Variants in NTHL1 observed in about 807,000 individuals in gnomAD.
The protein encoded by NTHL1 is nth like DNA glycosylase 1.
Under a neutral mutation model 32.3 loss-of-function variants are expected in NTHL1, and 32 were observed. The ratio of observed to expected loss-of-function variants is 0.99; its 90% CI spans 0.75 to 1.33. NTHL1 has a LOEUF of 1.33. NTHL1 is among the 40% of genes most tolerant of loss of function. The probability of loss-of-function intolerance (pLI) is 0.00; values close to 1 mark genes in which losing one functional copy is unlikely to be tolerated. For missense variants in NTHL1, 501 were observed against 414.1 expected, an observed-to-expected ratio of 1.21 and a Z score of -1.82; for synonymous variants, 188 against 176.9, an observed-to-expected ratio of 1.06 and a Z score of -0.50.
At position 2,043,523 on chromosome 16, in the gene NTHL1, G is replaced by A; in HGVS notation, c.685+44C>T. On this transcript the variant is annotated intron_variant, in intron 4 of 5. Transcript: ENST00000651570. The surrounding 1 kb of genome is among the most constrained non-coding windows in gnomAD (Gnocchi z 4.4). ...GTCACAAGGATGTGGGGAATCCCAAGAGCAGCCAGTGGGCTGGAGCCAGCC... is the reference window on the plus strand; with the variant it reads ...GTCACAAGGATGTGGGGAATCCCAAAAGCAGCCAGTGGGCTGGAGCCAGCC... 6.3e-7 allele frequency: 1 copy of A among 1,598,272 alleles called. No individual in the cohort carries two copies. Among genetic ancestry groups the A allele is most frequent in the Non-Finnish European group, 8.5e-7 (1 of 1,179,224 alleles).
rs541989951 is a variant in NTHL1 at position 2,043,676 on chromosome 16, G to A, written c.576C>T (p.Tyr192=). 1.1e-4 allele frequency: 182 copies of A among 1,612,098 alleles called. No homozygotes were observed. Among genetic ancestry groups the A allele is most frequent in the South Asian group, 9.8e-4 (89 of 91,090 alleles). ...KQTSAILQQH[Y]GGDIPASVAE... ...CCACAGAGGCTGGGATGTCCCCACCGTAGTGCTGCTGCAGGATGGCGCTGG... is the reference window on the plus strand; with the variant it reads ...CCACAGAGGCTGGGATGTCCCCACCATAGTGCTGCTGCAGGATGGCGCTGG... The change falls in exon 4 of 6, where the codon TAC becomes TAT. Residue 192 remains tyrosine (Y), a synonymous_variant. Transcript: ENST00000651570. This position sits in a 1 kb window ranked among gnomAD's most constrained non-coding sequence, Gnocchi z 4.4.
chr16:2,041,488 G>A (rs568477860), intron 4 of NTHL1, among the ~76,000 whole-genome samples: 1 of 151,820 alleles, frequency 6.6e-6, no homozygotes, highest in Non-Finnish European at 1.5e-5. Flanking sequence ...CACCCAGGCT[G>A]GATACAGACA....
rs1471979192 is a variant in NTHL1, at chr16:2,047,806, C to A, written c.18G>T (p.Ala6=). MTALS[A]RMLTRSRSLG... The stretch of plus-strand genomic sequence containing the variant: ...GGCTCCGGCTCCGGGTCAGCATCCT[C>A]GCGCTCAAGGCGGTCATGCCGGACT... The change falls in exon 1 of 6, where the codon GCG becomes GCT. Residue 6 remains alanine, a synonymous_variant. Transcript: ENST00000651570. The A allele has an allele frequency of 2.7e-5, 43 of 1,592,494 alleles. No individual in the cohort carries two copies. Among genetic ancestry groups the A allele is most frequent in the Non-Finnish European group, 3.0e-5 (35 of 1,174,706 alleles).
In NTHL1 at chr16:2,046,197, C is replaced by T. The variant is rs141911108; in HGVS notation, c.285G>A (p.Arg95=). Residue 95 remains arginine, a synonymous_variant, in exon 2 of 6, where the codon AGG becomes AGA. Transcript: ENST00000651570. ...GGTCCACAGGTGCATCCTTTTTGTT[C>T]CTCATGGCACGGATGTTGACCAGCT... ...QQQLVNIRAM[R]NKKDAPVDHL... The T allele has an allele frequency of 6.2e-6, 10 of 1,613,164 alleles. No individual in the cohort carries two copies. The African/African-American group carries it at 1.3e-4, about 22-fold the overall frequency.
chr16:2,045,012 T>C (rs189311961), intron 2 of NTHL1, among the ~76,000 whole-genome samples: 3 of 152,148 alleles, frequency 2.0e-5, no homozygotes, highest in Non-Finnish European at 4.4e-5. Context: ...ACTGGAGTAA[T>C]GTGAAGCTTA....
At chr16:2,040,447 CCT>C (rs2084249723) in intron 4 of NTHL1, 2 of 629,406 alleles carry the variant, frequency 3.2e-6, no homozygotes, top group Admixed American at 2.3e-5. Context: ...GGGGTGCAGG[CCT>C]CTCTCCCATC....
Position 2,046,247 on chromosome 16 carries a change from A to C in NTHL1, c.235T>G (p.Trp79Gly), listed in dbSNP as rs1596223048. The change falls in exon 2 of 6, where the codon TGG becomes GGG. Residue 79 changes from tryptophan to glycine, a missense_variant. Coordinates refer to ENST00000651570, the MANE Select transcript of NTHL1 (RefSeq NM_002528.7). ...TGTTGCTGCCAGTCCTGGGGCTCCC[A>C]GACTGGCACCTTGAGGGGCTCAGCC... Reference protein sequence around the residue: ...EGAEPLKVPVWEPQDWQQQLV... With the variant: ...EGAEPLKVPVGEPQDWQQQLV... The C allele has an allele frequency of 1.2e-6, 2 of 1,613,234 alleles. No individual in the cohort carries two copies. Among genetic ancestry groups the C allele is most frequent in the Non-Finnish European group, 1.7e-6 (2 of 1,179,992 alleles).
Position 2,040,044 on chromosome 16 carries a change from C to A in NTHL1, c.795G>T (p.Glu265Asp). ...RAALEEWLPRELWHEINGLLV... is the reference protein window; with the variant it reads ...RAALEEWLPRDLWHEINGLLV... ...AGAGTCCATTGATCTCGTGCCACAG[C>A]TCCCTGTGGGGGTGGGGGCTGGGTC... The change falls in exon 6 of 6, where the codon GAG (glutamate) becomes GAT (aspartate). Residue 265 changes from glutamate to aspartate, a missense_variant. Physicochemically the swap from Glu to Asp is conservative, Grantham distance 45. Transcript: ENST00000651570. 6.2e-7 allele frequency: 1 copy of A among 1,612,524 alleles called. No individual in the cohort carries two copies.
chr16:2,041,966 T>C (rs2084273497), intron 4 of NTHL1: 2 of 448,846 alleles, frequency 4.5e-6, no homozygotes, highest in Non-Finnish European at 8.9e-6. Context: ...TTGGCCAGGC[T>C]GATCTTGAAC....
intron 4 of NTHL1, among the ~76,000 whole-genome samples, chr16:2,040,653 C>T (rs1195676391): frequency 6.6e-6 from 1 of 152,168 alleles, no homozygotes; most frequent in African/African-American, 2.4e-5. Flanking sequence ...CAGACCCTGC[C>T]AGAGAGATTG....
chr16:2,044,696 C>T lies in NTHL1; in HGVS notation c.459G>A (p.Val153=), dbSNP rs2150942290. The T allele has an allele frequency of 6.2e-7, 1 of 1,612,280 alleles. No individual in the cohort carries two copies. Among genetic ancestry groups the T allele is most frequent in the African/African-American group, 1.3e-5 (1 of 75,062 alleles). ...CATCATCTGTCTGCAGGATGCTGTC[C>T]ACCGTCAGGCCCCGCGCCCGCAGTC... ...MQRLRARGLT[V]DSILQTDDAT... is the part of the protein sequence containing the mutation. The change falls in exon 3 of 6, where the codon GTG becomes GTA. Residue 153 remains valine (V), a synonymous_variant. Coordinates refer to ENST00000651570, the MANE Select transcript of NTHL1 (RefSeq NM_002528.7). The surrounding 1 kb of genome is among the most constrained non-coding windows in gnomAD (Gnocchi z 5.0).
chr16:2,039,827 A>G lies in NTHL1; in HGVS notation c.*97T>C, dbSNP rs2084234045. 3 of 1,553,950 alleles carry G rather than the reference A, an allele frequency of 1.9e-6. No individual in the cohort carries two copies. The highest frequency in any genetic ancestry group is 2.6e-6 in the Non-Finnish European group (3 of 1,143,994). On this transcript the variant is annotated 3_prime_UTR_variant, in exon 6 of 6. Coordinates refer to ENST00000651570, the MANE Select transcript of NTHL1 (RefSeq NM_002528.7). Reference sequence around the variant, plus strand: ...CATCAGCCAGATCCCATCTGCAAACACACCAAAGCTTTATTCAACAGGCGT... The same window carrying G: ...CATCAGCCAGATCCCATCTGCAAACGCACCAAAGCTTTATTCAACAGGCGT...
chr16:2,043,736 A>T lies in NTHL1; in HGVS notation c.526-10T>A, dbSNP rs199771569. ...TGTATTTCACCTTGCTCTGAAAGAC[A>T]GGGGTGGGTTCAGCCTTGGAGGCAA... On this transcript the variant is annotated splice_polypyrimidine_tract_variant and intron_variant, in intron 3 of 5. Transcript: ENST00000651570. This position sits in a 1 kb window ranked among gnomAD's most constrained non-coding sequence, Gnocchi z 4.4. 2 of 1,610,622 alleles carry T rather than the reference A, an allele frequency of 1.2e-6. No individual in the cohort carries two copies. Among genetic ancestry groups the T allele is most frequent in the Admixed American group, 3.3e-5 (2 of 59,984 alleles).
rs1343729377 is a variant in NTHL1 at position 2,047,774 on chromosome 16, G to A, written c.50C>T (p.Pro17Leu). 3.1e-6 allele frequency: 5 copies of A among 1,588,294 alleles called. No individual in the cohort carries two copies. The highest frequency in any genetic ancestry group is 1.1e-5 in the South Asian group (1 of 88,568). The stretch of plus-strand genomic sequence containing the variant: ...CCTACACCCCCGCGGCCCAGCCCCG[G>A]GTCCCAGGCTCCGGCTCCGGGTCAG... ...RMLTRSRSLG[P>L]GAGPRGCREE... Residue 17 changes from proline (P) to leucine (L), a missense_variant, in exon 1 of 6, where the codon CCC becomes CTC. Coordinates refer to ENST00000651570, the MANE Select transcript of NTHL1 (RefSeq NM_002528.7).
At chr16:2,045,510 C>T (rs1343176314) in intron 2 of NTHL1, among the ~76,000 whole-genome samples, 1 of 152,036 alleles carries the variant, frequency 6.6e-6, no homozygotes, top group Admixed American at 6.5e-5. Flanking sequence ...CATCTTGGCT[C>T]ACTGCAACCT....
rs1596228289 is a variant in NTHL1 at position 2,047,802 on chromosome 16, T to A, written c.22A>T (p.Met8Leu). The change falls in exon 1 of 6, where the codon ATG becomes TTG. Residue 8 changes from methionine (M) to leucine (L), a missense_variant. Coordinates refer to ENST00000651570, the MANE Select transcript of NTHL1 (RefSeq NM_002528.7). Reference protein sequence around the residue: MTALSARMLTRSRSLGPG... With the variant: MTALSARLLTRSRSLGPG... ...CCCAGGCTCCGGCTCCGGGTCAGCA[T>A]CCTCGCGCTCAAGGCGGTCATGCCG... 1.3e-6 allele frequency: 2 copies of A among 1,592,322 alleles called. No homozygotes were observed. The highest frequency in any genetic ancestry group is 1.3e-5 in the African/African-American group (1 of 74,780).
Position 2,039,992 on chromosome 16 carries a change from G to A in NTHL1, c.847C>T (p.Leu283=). 6.2e-7 allele frequency: 1 copy of A among 1,610,878 alleles called. No homozygotes were observed. Among genetic ancestry groups the A allele is most frequent in the Non-Finnish European group, 8.5e-7 (1 of 1,179,992 alleles). The change falls in exon 6 of 6, where the codon CTG becomes TTG. Residue 283 remains leucine, a synonymous_variant. Coordinates refer to ENST00000651570, the MANE Select transcript of NTHL1 (RefSeq NM_002528.7). ...LLVGFGQQTC[L]PVHPRCHACL... ...GCGTGGCAGCGAGGGTGCACAGGCA[G>A]ACAGGTCTGCTGGCCGAAGCCCACC...
chr16:2,042,769 C>A (rs1033206450), intron 4 of NTHL1, among the ~76,000 whole-genome samples: 24 of 149,378 alleles, frequency 1.6e-4, no homozygotes, highest in African/African-American at 4.7e-4. Flanking sequence ...GGGCCCTCCC[C>A]CCAGTGCCTC....
rs1017122731 is a variant in NTHL1 at position 2,047,344 on chromosome 16, T to C, written c.115+365A>G. On this transcript the variant is annotated intron_variant, in intron 1 of 5. Coordinates refer to ENST00000651570, the MANE Select transcript of NTHL1 (RefSeq NM_002528.7). ...CCCCCGAGCTGGGGGAGCAGGCTTCTGGCTGCGTGTGTCCTTGGCACCCAG... is the reference window on the plus strand; with the variant it reads ...CCCCCGAGCTGGGGGAGCAGGCTTCCGGCTGCGTGTGTCCTTGGCACCCAG... The C allele has an allele frequency of 9.5e-6, 3 of 315,900 alleles. No individual in the cohort carries two copies. The South Asian group carries it at 1.1e-4, about 12-fold the overall frequency. 19.6% of individuals were successfully genotyped at this position (315,900 alleles called of 1,614,324 possible).
Sources: gnomAD v4.1 joint callset for allele counts (sites outside exome capture counted in the v4.1 genomes callset) on GRCh38, gnomAD v4.1.1 for gene constraint, Gnocchi (gnomAD v3.1) non-coding constraint, MANE v1.5 for transcripts, NCBI Gene and HGNC (gene_info 2026-07-23, HGNC 2026-07-21) for gene names.